Variants in AMOTL1 observed in about 807,000 individuals in gnomAD.
The protein encoded by AMOTL1 is angiomotin like 1, also known as angiomotin-like protein 1.
A neutral mutation model predicts 102.9 loss-of-function variants in AMOTL1; 45 were observed. The observed-to-expected ratio is 0.44, with a 90% CI of 0.34 to 0.56. AMOTL1 has a LOEUF of 0.56. Among genes scored for constraint, AMOTL1 ranks in the 20% least tolerant of loss-of-function variants. The pLI, the probability that AMOTL1 is intolerant of heterozygous loss-of-function variation, is 0.01. For missense variants in AMOTL1, 1,114 were observed against 1,225.6 expected (o/e 0.91, Z 1.36); for synonymous variants, 481 against 484.7 (o/e 0.99, Z 0.10).
At chr11:94,740,798 G>A in intron 2 of AMOTL1, 1 of 566,166 alleles carries the variant, frequency 1.8e-6, no homozygotes, top group Non-Finnish European at 2.9e-6. Context: ...AATCCCGCGG[G>A]GCCTCCGGCT....
intron 1 of AMOTL1, among the ~76,000 whole-genome samples, chr11:94,784,598 A>G (rs1951155901): frequency 6.6e-6 from 1 of 152,198 alleles, no homozygotes; most frequent in Non-Finnish European, 1.5e-5. Context: ...TTAGTTCTAG[A>G]AAGAGTTTAA....
At chr11:94,721,202 C>T (rs1231558077) in intron 1 of AMOTL1, among the ~76,000 whole-genome samples, 2 of 151,932 alleles carry the variant, frequency 1.3e-5, no homozygotes, top group Non-Finnish European at 2.9e-5. Flanking sequence ...TGTGGATAGT[C>T]CAAGTGGACA....
intron 2 of AMOTL1, among the ~76,000 whole-genome samples, chr11:94,732,175 G>T (rs1360474497): frequency 6.6e-6 from 1 of 152,206 alleles, no homozygotes; most frequent in African/African-American, 2.4e-5. Context: ...TGGAGTACCA[G>T]AGAAAGCCCT....
intron 2 of AMOTL1, among the ~76,000 whole-genome samples, chr11:94,736,571 T>G (rs1000283748): frequency 6.6e-6 from 1 of 152,204 alleles, no homozygotes; most frequent in African/African-American, 2.4e-5. Context: ...ATATTTATTA[T>G]GTACCTATGT....
chr11:94,781,560 G>C (rs1269487912), intron 1 of AMOTL1, among the ~76,000 whole-genome samples: 1 of 152,300 alleles, frequency 6.6e-6, no homozygotes, highest in East Asian at 1.9e-4. Context: ...ATAATAAGCC[G>C]GGTGCGGTGG....
intron 1 of AMOTL1, among the ~76,000 whole-genome samples, chr11:94,784,767 C>T (rs1951158946): frequency 6.6e-6 from 1 of 152,068 alleles, no homozygotes; most frequent in Non-Finnish European, 1.5e-5. Context: ...GCAAACTTCC[C>T]AAACCTGACT....
At chr11:94,834,498 A>G (rs1302315479) in intron 6 of AMOTL1, among the ~76,000 whole-genome samples, 4 of 152,188 alleles carry the variant, frequency 2.6e-5, no homozygotes, top group Admixed American at 6.5e-5. Context: ...GCGCTGAGGC[A>G]GAAGAATGGC....
chr11:94,710,023 G>A (rs1204050368), intron 1 of AMOTL1, among the ~76,000 whole-genome samples: 1 of 152,110 alleles, frequency 6.6e-6, no homozygotes, highest in African/African-American at 2.4e-5. Context: ...AATAAAATCA[G>A]GGAAAAAACA....
At chr11:94,758,574 C>G (rs1950755508) in intron 3 of AMOTL1, among the ~76,000 whole-genome samples, 1 of 152,184 alleles carries the variant, frequency 6.6e-6, no homozygotes. Flanking sequence ...AAGGCTACAT[C>G]TCCATGTGGC....
chr11:94,834,579 G>C (rs989392122), intron 6 of AMOTL1, among the ~76,000 whole-genome samples: 4 of 151,926 alleles, frequency 2.6e-5, no homozygotes, highest in African/African-American at 9.7e-5. Context: ...GCGACAGAGC[G>C]AGACTCCGTC....
rs1334862779 is a variant in AMOTL1 at position 94,869,318 on chromosome 11, C to T, written c.2609C>T (p.Thr870Ile). 2 of 1,612,834 alleles carry T rather than the reference C, an allele frequency of 1.2e-6. No individual in the cohort carries two copies. The highest frequency in any genetic ancestry group is 1.7e-6 in the Non-Finnish European group (2 of 1,179,472). The change falls in exon 12 of 13, where the codon ACA becomes ATA. Residue 870 changes from threonine (T) to isoleucine (I), a missense_variant. Thr to Ile is a moderately conservative substitution (Grantham distance 89). Coordinates refer to ENST00000433060, the MANE Select transcript of AMOTL1 (RefSeq NM_130847.3). ...TTAASSAHAKTGSKDSSTQTD... is the reference protein window; with the variant it reads ...TTAASSAHAKIGSKDSSTQTD... ...GCAGCCAGCAGTGCCCACGCCAAGA[C>T]AGGCAGCAAGGACAGCAGCACACAG...
intron 7 of AMOTL1, among the ~76,000 whole-genome samples, chr11:94,852,692 C>T (rs1009825499): frequency 6.6e-6 from 1 of 152,140 alleles, no homozygotes; most frequent in Admixed American, 6.5e-5. Context: ...TAATTTCCAT[C>T]TCCTCAGTTA....
intron 1 of AMOTL1, among the ~76,000 whole-genome samples, chr11:94,769,537 C>G (rs1565345105): frequency 6.6e-6 from 1 of 152,242 alleles, no homozygotes; most frequent in Non-Finnish European, 1.5e-5. Flanking sequence ...CTCGCCCACC[C>G]TACTCTTCCT....
intron 2 of AMOTL1, among the ~76,000 whole-genome samples, chr11:94,736,511 C>T (rs555775468): frequency 6.6e-6 from 1 of 152,128 alleles, no homozygotes; most frequent in Non-Finnish European, 1.5e-5. Context: ...CTCTGCCTCC[C>T]AAAGTGTTGT....
chr11:94,762,406 G>A (rs961433858), intron 3 of AMOTL1, among the ~76,000 whole-genome samples: 1 of 152,186 alleles, frequency 6.6e-6, no homozygotes, highest in Non-Finnish European at 1.5e-5. Flanking sequence ...CATAAATGAA[G>A]GTAGAGGGGG....
At chr11:94,841,416 C>T (rs928562141) in intron 6 of AMOTL1, among the ~76,000 whole-genome samples, 6 of 152,112 alleles carry the variant, frequency 3.9e-5, no homozygotes, top group Non-Finnish European at 8.8e-5. Context: ...GGCACCACTG[C>T]ACTCCAGCCT....
chr11:94,718,986 A>G (rs917597147), intron 1 of AMOTL1, among the ~76,000 whole-genome samples: 4 of 151,932 alleles, frequency 2.6e-5, no homozygotes, highest in African/African-American at 7.2e-5. Context: ...ATGTCCTCTA[A>G]CATGCTTAGT....
intron 2 of AMOTL1, among the ~76,000 whole-genome samples, chr11:94,735,525 C>A (rs916521128): frequency 1.3e-5 from 2 of 152,126 alleles, no homozygotes; most frequent in Admixed American, 1.3e-4. Flanking sequence ...GTTGATAAGA[C>A]TTTTCTTCTA....
Position 94,799,830 on chromosome 11 carries a change from G to T in AMOTL1, c.640G>T (p.Val214Leu). 1.9e-6 allele frequency: 3 copies of T among 1,593,338 alleles called. No individual in the cohort carries two copies. Among genetic ancestry groups the T allele is most frequent in the Non-Finnish European group, 2.6e-6 (3 of 1,169,452 alleles). Residue 214 changes from valine (V) to leucine (L), a missense_variant, in exon 3 of 13, where the codon GTG becomes TTG. Physicochemically the swap from Val to Leu is conservative, Grantham distance 32. Coordinates refer to ENST00000433060, the MANE Select transcript of AMOTL1 (RefSeq NM_130847.3). This position sits in a 1 kb window ranked among gnomAD's most constrained non-coding sequence, Gnocchi z 4.5. ...QQQQQQQQGAVGHGYYMAGGT... is the reference protein window; with the variant it reads ...QQQQQQQQGALGHGYYMAGGT... Reference sequence around the variant, plus strand: ...GCAGCAGCAACAGCAGCAGGGGGCGGTGGGCCATGGTTACTACATGGCAGG... The same window carrying T: ...GCAGCAGCAACAGCAGCAGGGGGCGTTGGGCCATGGTTACTACATGGCAGG...
Sources: allele counts gnomAD v4.1 joint callset (sites outside exome capture counted in the v4.1 genomes callset), GRCh38; gene constraint gnomAD v4.1.1; non-coding constraint Gnocchi (gnomAD v3.1); transcripts MANE v1.5; gene names NCBI Gene and HGNC (gene_info 2026-07-23, HGNC 2026-07-21).